Variants in ZNF469 observed in about 807,000 individuals in gnomAD.
ZNF469 encodes the protein zinc finger protein 469.
A neutral mutation model predicts 1.0 loss-of-function variants in ZNF469; 1 was observed. The observed-to-expected ratio is 1.00, with a 90% CI of 0.35 to 4.73. The LOEUF is 4.73. Ranked by LOEUF, ZNF469 falls within the 30% of genes most tolerant of loss-of-function variation. ZNF469 has a pLI of 0.16. For synonymous variants in ZNF469, 2,703 were observed against 2,363.4 expected (o/e 1.14, Z -4.17); for missense variants, 6,100 against 5,356.3 (o/e 1.14, Z -4.33).
rs1165953429 is a variant in ZNF469, at chr16:88,435,885, T to G, written c.8415T>G (p.Thr2805=). 6.5e-7 allele frequency: 1 copy of G among 1,550,110 alleles called. No individual in the cohort carries two copies. Among genetic ancestry groups the G allele is most frequent in the Non-Finnish European group, 8.7e-7 (1 of 1,146,940 alleles). The change falls in exon 3 of 3, where the codon ACT becomes ACG. Residue 2805 remains threonine, a synonymous_variant. Coordinates refer to ENST00000565624, the MANE Select transcript of ZNF469 (RefSeq NM_001367624.2). ...TGGGCCCCCTGGGTTTTCCCGAGAC[T>G]TCCAGCTCTCCGGCGGACAGCACCA... The part of the protein sequence containing the change: ...PPLGPLGFPE[T]SSSPADSTTS...
At chr16:88,199,181 G>C in the ZNF469 span, among the ~76,000 whole-genome samples, 30,752 of 152,196 alleles carry the variant, frequency 0.2, 3,850 homozygotes, top group Non-Finnish European at 0.29. Context: ...AGGACCTCAC[G>C]GTCAAGGGCA....
chr16:88,428,812 T>G lies in ZNF469; in HGVS notation c.1342T>G (p.Tyr448Asp), dbSNP rs1285329436. The G allele has an allele frequency of 1.9e-6, 3 of 1,547,220 alleles. No individual in the cohort carries two copies. The highest frequency in any genetic ancestry group is 2.6e-6 in the Non-Finnish European group (3 of 1,146,196). The part of the protein sequence containing the change: ...PQLWDPTAAP[Y>D]PTPPGGPLAA... ...GCTGTGGGACCCCACAGCAGCCCCT[T>G]ACCCCACACCTCCTGGGGGCCCCCT... The change falls in exon 3 of 3, where the codon TAC becomes GAC. Residue 448 changes from tyrosine (Y) to aspartate (D), a missense_variant. Tyr to Asp is a radical substitution (Grantham distance 160). Transcript: ENST00000565624.
chr16:88,337,407 C>A, the ZNF469 span, among the ~76,000 whole-genome samples: 1 of 152,228 alleles, frequency 6.6e-6, no homozygotes, highest in Non-Finnish European at 1.5e-5. Context: ...GCCTCCTCAG[C>A]CCTGTGGAAC....
At chr16:88,299,403 C>G in the ZNF469 span, among the ~76,000 whole-genome samples, 4 of 152,078 alleles carry the variant, frequency 2.6e-5, no homozygotes, top group Middle Eastern at 3.2e-3. Flanking sequence ...TCGGAGAGGC[C>G]GGAGGGCAGA....
At chr16:88,193,265 T>TGGGG in the ZNF469 span, among the ~76,000 whole-genome samples, 1 of 140,188 alleles carries the variant, frequency 7.1e-6, no homozygotes, top group African/African-American at 2.6e-5. Flanking sequence ...GTGATGGTGG[T>TGGGG]AGTGGTGATG....
At chr16:88,281,844 T>C in the ZNF469 span, among the ~76,000 whole-genome samples, 2 of 152,068 alleles carry the variant, frequency 1.3e-5, no homozygotes, top group African/African-American at 2.4e-5. Context: ...TGCTGACGCT[T>C]GGTCAGTACT....
the ZNF469 span, among the ~76,000 whole-genome samples, chr16:88,199,364 G>A: frequency 6.6e-6 from 1 of 152,208 alleles, no homozygotes; most frequent in African/African-American, 2.4e-5. Context: ...TGCCACACAG[G>A]GCAAATGAGA....
chr16:88,348,041 G>A, the ZNF469 span, among the ~76,000 whole-genome samples: 1 of 152,262 alleles, frequency 6.6e-6, no homozygotes. Flanking sequence ...CCTGGTGGGC[G>A]GAGCATGGTC....
the ZNF469 span, among the ~76,000 whole-genome samples, chr16:88,210,811 T>G: frequency 1.2e-4 from 19 of 152,248 alleles, no homozygotes; most frequent in African/African-American, 4.6e-4. Flanking sequence ...CTTTTTTCTC[T>G]CTAGAAGCTT....
At chr16:88,142,253 G>C in the ZNF469 span, among the ~76,000 whole-genome samples, 1 of 152,230 alleles carries the variant, frequency 6.6e-6, no homozygotes, top group African/African-American at 2.4e-5. Flanking sequence ...GGGAAAGGCT[G>C]CCCTGGGAGG....
At chr16:88,385,742 C>G (rs1311174638) in intron 1 of ZNF469, among the ~76,000 whole-genome samples, 1 of 152,030 alleles carries the variant, frequency 6.6e-6, no homozygotes, top group Non-Finnish European at 1.5e-5. Context: ...AGAGTCCAGG[C>G]TCTGGGAACA....
chr16:88,220,491 G>C, the ZNF469 span, among the ~76,000 whole-genome samples: 1 of 152,102 alleles, frequency 6.6e-6, no homozygotes, highest in Non-Finnish European at 1.5e-5. Context: ...CCAGGTGACA[G>C]AATGCCACAG....
the ZNF469 span, among the ~76,000 whole-genome samples, chr16:88,231,547 T>A: frequency 6.6e-6 from 1 of 152,126 alleles, no homozygotes; most frequent in Non-Finnish European, 1.5e-5. This position sits in a 1 kb window ranked among gnomAD's most constrained non-coding sequence, Gnocchi z 4.5. Context: ...CGGTTCCTCC[T>A]GGGACCTCCA....
chr16:88,428,203 G>C lies in ZNF469; in HGVS notation c.733G>C (p.Gly245Arg). ...TCCCGCTGCTGAGAATAGCTTCCCAGGTGCTAATTTCGGGGTTCCCCCCGC... is the reference window on the plus strand; with the variant it reads ...TCCCGCTGCTGAGAATAGCTTCCCACGTGCTAATTTCGGGGTTCCCCCCGC... Reference protein sequence around the residue: ...WPPAAENSFPGANFGVPPAEP... With the variant: ...WPPAAENSFPRANFGVPPAEP... The change falls in exon 3 of 3, where the codon GGT becomes CGT. Residue 245 changes from glycine (G) to arginine (R), a missense_variant. Physicochemically the swap from Gly to Arg is moderately radical, Grantham distance 125. Transcript: ENST00000565624. 6.5e-7 allele frequency: 1 copy of C among 1,550,282 alleles called. No individual in the cohort carries two copies. The highest frequency in any genetic ancestry group is 8.7e-7 in the Non-Finnish European group (1 of 1,146,924).
the ZNF469 span, among the ~76,000 whole-genome samples, chr16:88,332,320 T>C: frequency 2.0e-5 from 3 of 152,214 alleles, no homozygotes; most frequent in African/African-American, 4.8e-5. Context: ...TGCAGGAGGA[T>C]GACACCGTCT....
At chr16:88,356,809 C>A in the ZNF469 span, among the ~76,000 whole-genome samples, 2 of 152,218 alleles carry the variant, frequency 1.3e-5, no homozygotes, top group African/African-American at 4.8e-5. Context: ...TGGAAGCTCC[C>A]CGGGGCAGGA....
At chr16:88,296,161 G>A in the ZNF469 span, among the ~76,000 whole-genome samples, 119 of 152,284 alleles carry the variant, frequency 7.8e-4, no homozygotes, top group African/African-American at 2.8e-3. Flanking sequence ...GACAGACCCT[G>A]ATGCATTGCA....
chr16:88,221,594 G>C, the ZNF469 span, among the ~76,000 whole-genome samples: 6 of 152,384 alleles, frequency 3.9e-5, no homozygotes, highest in Non-Finnish European at 5.9e-5. Flanking sequence ...CGTCCAGTCT[G>C]CTATGTCTCT....
chr16:88,200,267 C>T, the ZNF469 span, among the ~76,000 whole-genome samples: 1 of 152,234 alleles, frequency 6.6e-6, no homozygotes, highest in Admixed American at 6.5e-5. Flanking sequence ...GGAGAAAGGG[C>T]TAGCCTGTGC....
Sources: allele counts gnomAD v4.1 joint callset (sites outside exome capture counted in the v4.1 genomes callset), GRCh38; gene constraint gnomAD v4.1.1; non-coding constraint Gnocchi (gnomAD v3.1); transcripts MANE v1.5; gene names NCBI Gene and HGNC (gene_info 2026-07-23, HGNC 2026-07-21).